EHD4: variants seen among roughly 807,000 people sequenced by gnomAD.
EHD4 encodes EH domain-containing protein 4.
A neutral mutation model predicts 51.0 loss-of-function variants in EHD4; 37 were observed. The observed-to-expected ratio is 0.73, with a 90% confidence interval of 0.56 to 0.95. The LOEUF is 0.95. EHD4 is among the 40% of genes least tolerant of loss of function. The pLI is 0.00. For synonymous variants in EHD4, 297 were observed against 317.3 expected, an observed-to-expected ratio of 0.94 and a Z score of 0.68; for missense variants, 632 against 733.1, an observed-to-expected ratio of 0.86 and a Z score of 1.59.
intron 3 of EHD4, among the ~76,000 whole-genome samples, chr15:41,929,959 T>C (rs1288632346): frequency 6.6e-6 from 1 of 152,206 alleles, no homozygotes; most frequent in Non-Finnish European, 1.5e-5. Flanking sequence ...CAACTCTAAA[T>C]GACACAATTA....
chr15:41,925,436 G>A (rs1470447751), intron 3 of EHD4, among the ~76,000 whole-genome samples: 5 of 152,196 alleles, frequency 3.3e-5, no homozygotes, highest in African/African-American at 1.2e-4. Context: ...TTTCAGCTAG[G>A]CACAATGCAA....
At chr15:41,949,051 T>TATATATATATATATATATATAC (rs1491135423) in intron 2 of EHD4, among the ~76,000 whole-genome samples, 84 of 109,320 alleles carry the variant, frequency 7.7e-4, no homozygotes, top group South Asian at 1.5e-3. Flanking sequence ...TATATATATA[T>TATATATATATATATATATATAC]ACACACATAC....
rs2067468781 is a variant in EHD4, at chr15:41,900,562, C to T, written c.*83G>A. On this transcript the variant is annotated 3_prime_UTR_variant, in exon 6 of 6. Coordinates refer to ENST00000220325, the MANE Select transcript of EHD4 (RefSeq NM_139265.4). This position sits in a 1 kb window ranked among gnomAD's most constrained non-coding sequence, Gnocchi z 4.8. ...AAGGCACAGAGAGGGCAGTGCCTTG[C>T]CCAAGGTCATTCGGTGAGTCAGTGG... The T allele has an allele frequency of 2.1e-6, 3 of 1,414,932 alleles. No homozygotes were observed. Among genetic ancestry groups the T allele is most frequent in the Admixed American group, 2.3e-5 (1 of 42,682 alleles). The allele number at this position is 1,414,932 out of a possible 1,614,324, so 87.6% of individuals were successfully genotyped here. A position where few individuals can be genotyped will look rare whatever the true frequency, so the allele number is the denominator to read the frequency against.
At chr15:41,911,418 T>C (rs2067548486) in intron 4 of EHD4, among the ~76,000 whole-genome samples, 1 of 151,924 alleles carries the variant, frequency 6.6e-6, no homozygotes, top group African/African-American at 2.4e-5. Context: ...CTTTAACCGC[T>C]GTGATGAGCA....
intron 1 of EHD4, among the ~76,000 whole-genome samples, chr15:41,959,418 A>G (rs1300882199): frequency 7.8e-5 from 11 of 141,860 alleles, no homozygotes; most frequent in Non-Finnish European, 1.6e-4. Context: ...AAAAAAAAAA[A>G]AAAAAGAAAT....
intron 3 of EHD4, among the ~76,000 whole-genome samples, chr15:41,941,334 T>G (rs901399937): frequency 2.6e-5 from 4 of 152,192 alleles, no homozygotes; most frequent in African/African-American, 9.7e-5. Flanking sequence ...GGTAGACTGT[T>G]ATGAAGAAAA....
At chr15:41,922,066 T>C (rs2067629215) in intron 3 of EHD4, among the ~76,000 whole-genome samples, 1 of 152,188 alleles carries the variant, frequency 6.6e-6, no homozygotes, top group Non-Finnish European at 1.5e-5. Context: ...TTAAATTAGT[T>C]AGAATCAGCT....
chr15:41,901,052 T>C lies in EHD4; in HGVS notation c.1219A>G (p.Thr407Ala). Residue 407 changes from threonine to alanine, a missense_variant, in exon 6 of 6, where the codon ACG becomes GCG. Thr to Ala is a moderately conservative substitution (Grantham distance 58). Transcript: ENST00000220325. ...MNLISQEETS[T>A]PTQLVQGGAF... ...CCGCCCTGCACCAGCTGCGTGGGCG[T>C]GCTCGTCTCCTCCTGGCTGATGAGG... 1 of 1,612,864 alleles carries C rather than the reference T, an allele frequency of 6.2e-7. No homozygotes were observed. The highest frequency in any genetic ancestry group is 8.5e-7 in the Non-Finnish European group (1 of 1,179,374).
rs563432452 is a variant in EHD4 at position 41,897,036 on chromosome 15, G to A, written c.*3609C>T. 1 of 152,210 alleles carries A rather than the reference G, an allele frequency of 6.6e-6. No homozygotes were observed. The highest frequency in any genetic ancestry group is 2.1e-4 in the South Asian group (1 of 4,808). 9.4% of individuals were successfully genotyped at this position (152,210 alleles called of 1,614,324 possible). On this transcript the variant is annotated 3_prime_UTR_variant, in exon 6 of 6. Transcript: ENST00000220325. ...GGGAGAGGGCAGCTCCATGTTTATT[G>A]ATCAGCAGACTATGTCTTTTTGTTT...
chr15:41,960,620 A>G (rs2067918047), intron 1 of EHD4, among the ~76,000 whole-genome samples: 1 of 152,130 alleles, frequency 6.6e-6, no homozygotes, highest in African/African-American at 2.4e-5. Context: ...CTACTTAAAA[A>G]AGTCTCCTTT....
chr15:41,906,398 C>T (rs1183161430), intron 5 of EHD4, among the ~76,000 whole-genome samples: 1 of 152,230 alleles, frequency 6.6e-6, no homozygotes, highest in African/African-American at 2.4e-5. Context: ...CCCAATCTTC[C>T]CATCCCCTCT....
rs1358185979 is a variant in EHD4, at chr15:41,899,666, C to T, written c.*979G>A. 1 of 152,142 alleles carries T rather than the reference C, an allele frequency of 6.6e-6. No homozygotes were observed. Among genetic ancestry groups the T allele is most frequent in the Non-Finnish European group, 1.5e-5 (1 of 68,056 alleles). The allele number at this position is 152,142 out of a possible 1,614,324, so 9.4% of individuals were successfully genotyped here. A position where few individuals can be genotyped will look rare whatever the true frequency, so the allele number is the denominator to read the frequency against. ...GCCGAAGACACTGCACACACTAGGA[C>T]AGGATTTGATTGAATTTAAATCCTG... is the stretch of plus-strand genomic sequence containing the variant. On this transcript the variant is annotated 3_prime_UTR_variant, in exon 6 of 6. Coordinates refer to ENST00000220325, the MANE Select transcript of EHD4 (RefSeq NM_139265.4).
intron 4 of EHD4, among the ~76,000 whole-genome samples, chr15:41,910,805 G>A (rs1324704826): frequency 6.6e-6 from 1 of 152,124 alleles, no homozygotes; most frequent in Admixed American, 6.5e-5. Context: ...CTGACCTCAG[G>A]TGATCCACCC....
At position 41,919,227 on chromosome 15, in the gene EHD4, G is replaced by A. The variant is rs1212671820; in HGVS notation, c.907C>T (p.Arg303Ter). Residue 303 changes from arginine to a stop codon, truncating the protein, a stop_gained, in exon 4 of 6, where the codon CGA becomes TGA. Coordinates refer to ENST00000220325, the MANE Select transcript of EHD4 (RefSeq NM_139265.4). LOFTEE classifies it high-confidence loss of function. The stretch of plus-strand genomic sequence containing the variant: ...TGGCTTACCTTGGCCAGCCTCGCTC[G>A]CTTGATGAGGTCGTTGAGCTTGCGC... ...AVRKLNDLIK[R>*]ARLAKVHAYI... 3.7e-6 allele frequency: 6 copies of A among 1,613,828 alleles called. No homozygotes were observed. Among genetic ancestry groups the A allele is most frequent in the Admixed American group, 1.7e-5 (1 of 60,012 alleles).
chr15:41,923,525 C>T (rs951865149), intron 3 of EHD4, among the ~76,000 whole-genome samples: 1 of 152,186 alleles, frequency 6.6e-6, no homozygotes. Flanking sequence ...AAGGGGCTTG[C>T]TAAAGTTTAG....
At chr15:41,916,529 G>A (rs1366064125) in intron 4 of EHD4, among the ~76,000 whole-genome samples, 1 of 152,192 alleles carries the variant, frequency 6.6e-6, no homozygotes, top group African/African-American at 2.4e-5. Flanking sequence ...AGGAAAACTG[G>A]ATCAAGAGAA....
At position 41,898,494 on chromosome 15, in the gene EHD4, C is replaced by T. The variant is rs3088159; in HGVS notation, c.*2151G>A. The T allele has an allele frequency of 0.24, 36,505 of 152,186 alleles. 4,711 individuals are homozygous for T. Among genetic ancestry groups the T allele is most frequent in the Middle Eastern group, 0.43 (124 of 290 alleles). The allele number at this position is 152,186 out of a possible 1,614,324, so 9.4% of individuals were successfully genotyped here. A position where few individuals can be genotyped will look rare whatever the true frequency, so the allele number is the denominator to read the frequency against. Reference sequence around the variant, plus strand: ...CTGTAAACCTTTGGGCAAGTGAATTCCCTCTTCTCTCTCAGTTCACCCTTT... The same window carrying T: ...CTGTAAACCTTTGGGCAAGTGAATTTCCTCTTCTCTCTCAGTTCACCCTTT... On this transcript the variant is annotated 3_prime_UTR_variant, in exon 6 of 6. Transcript: ENST00000220325.
chr15:41,905,676 A>AT (rs985605703), intron 5 of EHD4, among the ~76,000 whole-genome samples: 1 of 151,880 alleles, frequency 6.6e-6, no homozygotes, highest in East Asian at 1.9e-4. Flanking sequence ...CCATTTGTTC[A>AT]TTTTTTCTGT....
intron 5 of EHD4, among the ~76,000 whole-genome samples, chr15:41,906,756 G>C (rs543846801): frequency 2.6e-5 from 4 of 152,252 alleles, no homozygotes; most frequent in Admixed American, 6.5e-5. Flanking sequence ...GCACTGCCAC[G>C]TTCCCCTTGG....
Sources: allele counts gnomAD v4.1 joint callset (sites outside exome capture counted in the v4.1 genomes callset), GRCh38; gene constraint gnomAD v4.1.1; non-coding constraint Gnocchi (gnomAD v3.1); transcripts MANE v1.5; gene names NCBI Gene and HGNC (gene_info 2026-07-23, HGNC 2026-07-21).